Variants in BRINP3 observed in about 807,000 individuals in gnomAD.
BRINP3 encodes BMP/retinoic acid inducible neural specific 3.
In BRINP3, 19 loss-of-function variants were observed where a neutral mutation model predicts 71.0. That is an observed-to-expected ratio of 0.27 (90% CI 0.19 to 0.39). The LOEUF (loss-of-function observed/expected upper bound fraction) is 0.39, where lower values mean the gene tolerates loss of function less well. Among genes scored for constraint, BRINP3 ranks in the 10% least tolerant of loss-of-function variants. The pLI is 1.00. For synonymous variants in BRINP3, 380 were observed against 337.7 expected, an observed-to-expected ratio of 1.13 and a Z score of -1.37; for missense variants, 959 against 940.8, an observed-to-expected ratio of 1.02 and a Z score of -0.25.
chr1:190,452,748 T>C (rs1019041331), intron 2 of BRINP3, among the ~76,000 whole-genome samples: 2 of 152,092 alleles, frequency 1.3e-5, no homozygotes, highest in African/African-American at 4.8e-5. Context: ...TCTAAGCTAC[T>C]TGGGAGCCTG....
At chr1:190,145,880 G>T (rs1477404491) in intron 7 of BRINP3, among the ~76,000 whole-genome samples, 1 of 152,090 alleles carries the variant, frequency 6.6e-6, no homozygotes, top group Non-Finnish European at 1.5e-5. Context: ...CCATAAAAAG[G>T]AATAGAATAA....
chr1:190,201,402 G>T (rs973167616), intron 6 of BRINP3, among the ~76,000 whole-genome samples: 1 of 151,930 alleles, frequency 6.6e-6, no homozygotes, highest in Non-Finnish European at 1.5e-5. Context: ...CAGGAAAGGA[G>T]AGCATAAAAA....
At chr1:190,259,597 A>G (rs1660985769) in intron 4 of BRINP3, among the ~76,000 whole-genome samples, 1 of 148,592 alleles carries the variant, frequency 6.7e-6, no homozygotes, top group Admixed American at 6.9e-5. Flanking sequence ...CATTCTCACC[A>G]CCAGGAGAAT....
intron 2 of BRINP3, among the ~76,000 whole-genome samples, chr1:190,375,260 T>C (rs927221894): frequency 3.9e-5 from 6 of 151,914 alleles, no homozygotes; most frequent in African/African-American, 1.4e-4. Context: ...TGTTTGTATA[T>C]ATTTGTATAT....
intron 7 of BRINP3, among the ~76,000 whole-genome samples, chr1:190,130,255 C>T (rs145937945): frequency 2.4e-3 from 365 of 152,082 alleles, no homozygotes; most frequent in African/African-American, 8.3e-3. Flanking sequence ...GGCCTGTCTT[C>T]ATGCTGCTCT....
intron 7 of BRINP3, among the ~76,000 whole-genome samples, chr1:190,119,488 G>A (rs1266933497): frequency 6.6e-6 from 1 of 151,860 alleles, no homozygotes; most frequent in African/African-American, 2.4e-5. Context: ...TTTGGTCGGG[G>A]GGTCTTGAAA....
chr1:190,299,504 C>A (rs1029951345), intron 2 of BRINP3, among the ~76,000 whole-genome samples: 1 of 151,198 alleles, frequency 6.6e-6, no homozygotes, highest in South Asian at 2.1e-4. Context: ...ACATATGTAT[C>A]CATGTGCCAT....
intron 2 of BRINP3, among the ~76,000 whole-genome samples, chr1:190,345,186 T>A (rs1667932844): frequency 6.6e-6 from 1 of 151,870 alleles, no homozygotes; most frequent in African/African-American, 2.4e-5. Flanking sequence ...ATGACCTCAA[T>A]AAGTCTACTG....
intron 7 of BRINP3, among the ~76,000 whole-genome samples, chr1:190,121,435 CAT>C (rs1653650471): frequency 6.6e-6 from 1 of 152,018 alleles, no homozygotes; most frequent in Non-Finnish European, 1.5e-5. Flanking sequence ...ACAAAGACTA[CAT>C]AGTGATAAAA....
chr1:190,274,216 A>G lies in BRINP3; in HGVS notation c.427+7344T>C, dbSNP rs188275510. ...CAACATATAATATTGGTCAGAAGCA[A>G]CAATTATTGTTATGATCAACTAAAA... On this transcript the variant is annotated intron_variant, in intron 3 of 7. Transcript: ENST00000367462. Among the ~76,000 whole-genome samples, 76 of 151,674 alleles carry G rather than the reference A, an allele frequency of 5.0e-4. No homozygotes were observed. In the East Asian group the frequency reaches 0.013, roughly 26 times the overall value.
At chr1:190,206,358 A>G (rs928678018) in intron 6 of BRINP3, among the ~76,000 whole-genome samples, 1 of 151,982 alleles carries the variant, frequency 6.6e-6, no homozygotes, top group Non-Finnish European at 1.5e-5. Flanking sequence ...AATGAGCAGT[A>G]AGGAAAAACT....
chr1:190,098,005 T>A lies in BRINP3; in HGVS notation c.*13A>T, dbSNP rs768301367. The A allele has an allele frequency of 3.0e-5, 48 of 1,585,610 alleles. No individual in the cohort carries two copies. Among genetic ancestry groups the A allele is most frequent in the Admixed American group, 2.2e-4 (12 of 55,088 alleles). ...ACTCCTTCAAGATTTTGGGTTGTGC[T>A]TGACATTTATGGTTAACTACATAAT... On this transcript the variant is annotated 3_prime_UTR_variant, in exon 8 of 8. Coordinates refer to ENST00000367462, the MANE Select transcript of BRINP3 (RefSeq NM_199051.3).
intron 2 of BRINP3, among the ~76,000 whole-genome samples, chr1:190,448,568 G>A (rs16832345): frequency 0.21 from 32,204 of 150,712 alleles, 3,514 homozygotes; most frequent in African/African-American, 0.24. Context: ...AATTTCTCCT[G>A]GAAGATCTAT....
At chr1:190,278,368 C>G (rs1662774770) in intron 3 of BRINP3, among the ~76,000 whole-genome samples, 2 of 151,626 alleles carry the variant, frequency 1.3e-5, no homozygotes, top group Middle Eastern at 3.4e-3. Context: ...ATGCCACAAA[C>G]CTCCATTTTT....
At chr1:190,173,021 T>C (rs1652160689) in intron 6 of BRINP3, among the ~76,000 whole-genome samples, 1 of 152,202 alleles carries the variant, frequency 6.6e-6, no homozygotes, top group Admixed American at 6.6e-5. Flanking sequence ...TTCTACCTTC[T>C]TCCTTTCCTT....
At chr1:190,363,707 C>A (rs1456422878) in intron 2 of BRINP3, among the ~76,000 whole-genome samples, 2 of 152,034 alleles carry the variant, frequency 1.3e-5, no homozygotes, top group African/African-American at 4.8e-5. Flanking sequence ...TGGGAGATAG[C>A]AATGGAGAGT....
chr1:190,163,797 T>C (rs1651232467), intron 6 of BRINP3, among the ~76,000 whole-genome samples: 1 of 152,108 alleles, frequency 6.6e-6, no homozygotes, highest in South Asian at 2.1e-4. Context: ...TGTGCCTTTA[T>C]CCTTTTTCCG....
intron 6 of BRINP3, 98 bp from the exon 7 acceptor site, chr1:190,160,988 A>G (rs1374145338): frequency 2.7e-6 from 2 of 751,824 alleles, no homozygotes; most frequent in African/African-American, 3.6e-5. Context: ...ACATATACAC[A>G]TATATGTCAA....
chr1:190,260,222 A>C (rs1661064595), intron 4 of BRINP3, among the ~76,000 whole-genome samples: 1 of 152,072 alleles, frequency 6.6e-6, no homozygotes, highest in African/African-American at 2.4e-5. Context: ...TAGAGATCCA[A>C]TGTATGACAT....
Sources: gnomAD v4.1 joint callset for allele counts (sites outside exome capture counted in the v4.1 genomes callset) on GRCh38, gnomAD v4.1.1 for gene constraint, MANE v1.5 for transcripts, NCBI Gene and HGNC (gene_info 2026-07-23, HGNC 2026-07-21) for gene names.